The following DOCK1 variants were observed in gnomAD, a reference collection of about 807,000 sequenced individuals.
DOCK1 encodes dedicator of cytokinesis 1, also known as dedicator of cytokinesis protein 1.
A neutral mutation model predicts 262.7 loss-of-function variants in DOCK1; 138 were observed. The observed-to-expected ratio is 0.53, with a 90% CI of 0.46 to 0.61. DOCK1 has a LOEUF of 0.61. DOCK1 is among the 20% of genes least tolerant of loss of function. The pLI, the probability that DOCK1 is intolerant of heterozygous loss-of-function variation, is 0.00. For synonymous variants in DOCK1, 866 were observed against 867.4 expected, an observed-to-expected ratio of 1.00 and a Z score of 0.03; for missense variants, 1,908 against 2,370.7, an observed-to-expected ratio of 0.80 and a Z score of 4.05.
intron 40 of DOCK1, 95 bp downstream of exon 40, chr10:127,404,524 G>T (rs775741114): frequency 2.5e-6 from 3 of 1,203,276 alleles, no homozygotes; most frequent in Non-Finnish European, 1.2e-6. Flanking sequence ...TTGCATCCGC[G>T]TGGGATCGTG....
chr10:127,017,226 CAG>C (rs2042040139), intron 12 of DOCK1, among the ~76,000 whole-genome samples: 5 of 148,000 alleles, frequency 3.4e-5, no homozygotes, highest in Admixed American at 3.4e-4. Flanking sequence ...CCATTAAACA[CAG>C]ACACACACAG....
chr10:127,257,517 G>T lies in DOCK1; in HGVS notation c.3044+88G>T, dbSNP rs552240845. ...AGTGGTGTTGCCTGGAGACCAAGCT[G>T]GCTTCAATAAAATGCTCTGCAAACG... is the stretch of plus-strand genomic sequence containing the variant. On this transcript the variant is annotated intron_variant, in intron 29 of 51. Coordinates refer to ENST00000623213, the MANE Select transcript of DOCK1 (RefSeq NM_001290223.2). 7.2e-6 allele frequency: 9 copies of T among 1,243,410 alleles called. No homozygotes were observed. In the East Asian group the frequency reaches 2.1e-4, roughly 28 times the overall value. 77.0% of individuals were successfully genotyped at this position (1,243,410 alleles called of 1,614,324 possible). A position where few individuals can be genotyped will look rare whatever the true frequency, so the allele number is the denominator to read the frequency against.
chr10:127,133,022 A>G (rs2050418547), intron 27 of DOCK1, among the ~76,000 whole-genome samples: 1 of 152,158 alleles, frequency 6.6e-6, no homozygotes, highest in Non-Finnish European at 1.5e-5. Flanking sequence ...CCTAGACACA[A>G]GTGATGGAAG....
At chr10:126,976,112 C>A (rs764454852) in intron 2 of DOCK1, among the ~76,000 whole-genome samples, 12 of 152,112 alleles carry the variant, frequency 7.9e-5, no homozygotes, top group Non-Finnish European at 1.8e-4. Context: ...ATTCAACTGA[C>A]CTTTCTTTTT....
chr10:127,348,657 T>G (rs1006929698), intron 31 of DOCK1, among the ~76,000 whole-genome samples: 1 of 152,024 alleles, frequency 6.6e-6, no homozygotes, highest in Non-Finnish European at 1.5e-5. Flanking sequence ...GTTGTTTTTG[T>G]TTTTGTTTTT....
intron 29 of DOCK1, among the ~76,000 whole-genome samples, chr10:127,265,325 C>T (rs1047322657): frequency 2.6e-5 from 4 of 152,000 alleles, no homozygotes; most frequent in African/African-American, 9.7e-5. Flanking sequence ...AATTTCATCC[C>T]GATTTGGAGT....
At chr10:127,442,650 A>G (rs929650269) in intron 49 of DOCK1, among the ~76,000 whole-genome samples, 1 of 152,208 alleles carries the variant, frequency 6.6e-6, no homozygotes, top group African/African-American at 2.4e-5. Flanking sequence ...ATCCCTGCCC[A>G]GTAATGACCT....
At chr10:127,299,053 T>C (rs890090880) in intron 29 of DOCK1, among the ~76,000 whole-genome samples, 4 of 152,192 alleles carry the variant, frequency 2.6e-5, no homozygotes, top group Non-Finnish European at 4.4e-5. Context: ...ATAGGGTCTT[T>C]GCAGATATAA....
intron 27 of DOCK1, among the ~76,000 whole-genome samples, chr10:127,161,112 C>T (rs2053556580): frequency 6.6e-6 from 1 of 152,184 alleles, no homozygotes; most frequent in Non-Finnish European, 1.5e-5. Flanking sequence ...TCTAAGGTCT[C>T]ACCAGGAGTT....
chr10:126,937,230 C>A (rs1370144702), intron 1 of DOCK1, among the ~76,000 whole-genome samples: 1 of 152,176 alleles, frequency 6.6e-6, no homozygotes, highest in Non-Finnish European at 1.5e-5. Flanking sequence ...CTTATCCATC[C>A]ATTGCCAACG....
intron 29 of DOCK1, among the ~76,000 whole-genome samples, chr10:127,295,876 C>T (rs1346154722): frequency 6.6e-6 from 1 of 152,142 alleles, no homozygotes; most frequent in Non-Finnish European, 1.5e-5. Context: ...GTGTTGACAA[C>T]ATGAAAAACC....
chr10:127,000,187 G>A lies in DOCK1; in HGVS notation c.865G>A (p.Asp289Asn). Residue 289 changes from aspartate to asparagine, a missense_variant, in exon 10 of 52, where the codon GAC (aspartate) becomes AAC (asparagine). Around this residue, in one of 9 missense-constraint regions of DOCK1, gnomAD observed 102 missense variants for 154.9 expected, o/e 0.66. Coordinates refer to ENST00000623213, the MANE Select transcript of DOCK1 (RefSeq NM_001290223.2). Reference sequence around the variant, plus strand: ...ATATTTCTAGGACCTCGGAAGCAAAGACCTGAAAAGGGAGAAAATCAGTTT... The same window carrying A: ...ATATTTCTAGGACCTCGGAAGCAAAAACCTGAAAAGGGAGAAAATCAGTTT... ...RAVFTDLGSK[D>N]LKREKISFVC... 6.2e-7 allele frequency: 1 copy of A among 1,613,914 alleles called. No homozygotes were observed. Among genetic ancestry groups the A allele is most frequent in the Non-Finnish European group, 8.5e-7 (1 of 1,179,844 alleles).
intron 27 of DOCK1, among the ~76,000 whole-genome samples, chr10:127,219,852 A>T (rs1415763987): frequency 6.6e-6 from 1 of 152,120 alleles, no homozygotes; most frequent in African/African-American, 2.4e-5. Context: ...GTTTGGTGAC[A>T]CCCACCATGG....
chr10:127,301,541 G>A (rs776033331), intron 29 of DOCK1, among the ~76,000 whole-genome samples: 9 of 152,196 alleles, frequency 5.9e-5, no homozygotes, highest in Non-Finnish European at 1.3e-4. Flanking sequence ...TCCAGGCTGT[G>A]TGGTCACCGG....
At chr10:126,907,728 G>C (rs1591271771) in intron 1 of DOCK1, among the ~76,000 whole-genome samples, 1 of 152,138 alleles carries the variant, frequency 6.6e-6, no homozygotes, top group African/African-American at 2.4e-5. Flanking sequence ...GGGTCTCCTT[G>C]CTGGGGAGGA....
At chr10:127,034,688 G>A (rs1438559511) in intron 18 of DOCK1, among the ~76,000 whole-genome samples, 2 of 152,176 alleles carry the variant, frequency 1.3e-5, no homozygotes, top group Non-Finnish European at 2.9e-5. Flanking sequence ...GGTGCCATGT[G>A]TTGCAGTGCT....
rs2066009206 is a variant in DOCK1, at chr10:127,384,722, G to A, written c.3808-68G>A. The A allele has an allele frequency of 2.7e-6, 4 of 1,467,062 alleles. No homozygotes were observed. The South Asian group carries it at 6.1e-5, about 22-fold the overall frequency. The allele number at this position is 1,467,062 out of a possible 1,614,324, so 90.9% of individuals were successfully genotyped here. On this transcript the variant is annotated intron_variant, in intron 37 of 51. Transcript: ENST00000623213. ...GGCCCACACGCGTGTCCGATGCGAAGCTCACACCATTCTGACGTCCCTGGG... is the reference window on the plus strand; with the variant it reads ...GGCCCACACGCGTGTCCGATGCGAAACTCACACCATTCTGACGTCCCTGGG...
At chr10:127,296,059 C>T (rs1217515767) in intron 29 of DOCK1, among the ~76,000 whole-genome samples, 8 of 152,106 alleles carry the variant, frequency 5.3e-5, no homozygotes, top group Admixed American at 5.2e-4. Context: ...TCTGGGATTT[C>T]CTTTCCTCTG....
At chr10:127,236,695 C>G (rs907229518) in intron 27 of DOCK1, among the ~76,000 whole-genome samples, 1 of 151,548 alleles carries the variant, frequency 6.6e-6, no homozygotes, top group African/African-American at 2.4e-5. Flanking sequence ...TATTTGACTC[C>G]CGTGTCAATG....
Sources: allele counts gnomAD v4.1 joint callset (sites outside exome capture counted in the v4.1 genomes callset), GRCh38; gene constraint gnomAD v4.1.1; regional missense constraint gnomAD v4.1.1; transcripts MANE v1.5; gene names NCBI Gene and HGNC (gene_info 2026-07-23, HGNC 2026-07-21).